KCTD15: variants seen among roughly 807,000 people sequenced by gnomAD.
The protein encoded by KCTD15 is BTB/POZ domain-containing protein KCTD15.
Under a neutral mutation model 27.2 loss-of-function variants are expected in KCTD15, and 11 were observed. The observed-to-expected ratio is 0.41, with a 90% CI of 0.25 to 0.67. The LOEUF (loss-of-function observed/expected upper bound fraction) is 0.67. Among genes scored for constraint, KCTD15 ranks in the 30% least tolerant of loss-of-function variants. KCTD15 has a pLI of 0.35. For missense variants in KCTD15, 350 were observed against 409.3 expected, an observed-to-expected ratio of 0.86 and a Z score of 1.25; for synonymous variants, 163 against 176.0, an observed-to-expected ratio of 0.93 and a Z score of 0.58.
At position 33,814,913 on chromosome 19, in the gene KCTD15, A is replaced by G. The variant is rs116535611; in HGVS notation, c.*1965A>G. ...AAGGCCGCAGAGCAGACGCCATCCC[A>G]CTGTACAATCGAATTTGCTGGACAA... On this transcript the variant is annotated 3_prime_UTR_variant, in exon 7 of 7. Coordinates refer to ENST00000683859, the MANE Select transcript of KCTD15 (RefSeq NM_001129994.2). The G allele has an allele frequency of 0.014, 2,077 of 152,292 alleles. 47 individuals carry two copies. The highest frequency in any genetic ancestry group is 0.042 in the African/African-American group (1,729 of 41,550). 9.4% of individuals were successfully genotyped at this position (152,292 alleles called of 1,614,324 possible). A position where few individuals can be genotyped will look rare whatever the true frequency, so the allele number is the denominator to read the frequency against.
At position 33,814,912 on chromosome 19, in the gene KCTD15, C is replaced by G. The variant is rs1481150113; in HGVS notation, c.*1964C>G. ...CAAGGCCGCAGAGCAGACGCCATCC[C>G]ACTGTACAATCGAATTTGCTGGACA... On this transcript the variant is annotated 3_prime_UTR_variant, in exon 7 of 7. Transcript: ENST00000683859. The G allele has an allele frequency of 2.6e-5, 4 of 152,242 alleles. No individual in the cohort carries two copies. Among genetic ancestry groups the G allele is most frequent in the African/African-American group, 9.6e-5 (4 of 41,464 alleles). 9.4% of individuals were successfully genotyped at this position (152,242 alleles called of 1,614,324 possible). A position where few individuals can be genotyped will look rare whatever the true frequency, so the allele number is the denominator to read the frequency against.
At chr19:33,805,472 AGAG>A (rs1397180736) in intron 4 of KCTD15, among the ~76,000 whole-genome samples, 14 of 152,270 alleles carry the variant, frequency 9.2e-5, no homozygotes, top group African/African-American at 3.4e-4. Flanking sequence ...TGGAGTGGAC[AGAG>A]GAGTGGGCTG....
At chr19:33,806,480 G>A (rs1453251038) in intron 4 of KCTD15, among the ~76,000 whole-genome samples, 2 of 152,170 alleles carry the variant, frequency 1.3e-5, no homozygotes, top group African/African-American at 4.8e-5. Flanking sequence ...CATTTTCTGG[G>A]TGGGTCTATC....
chr19:33,805,955 A>G (rs1378020478), intron 4 of KCTD15, among the ~76,000 whole-genome samples: 1 of 152,220 alleles, frequency 6.6e-6, no homozygotes, highest in African/African-American at 2.4e-5. Flanking sequence ...TGCATTTGTT[A>G]GAACCATTGC....
chr19:33,801,065 C>G (rs1975522944), intron 3 of KCTD15, 102 bp from the exon 4 acceptor site: 1 of 1,126,962 alleles, frequency 8.9e-7, no homozygotes, highest in African/African-American at 1.6e-5. Context: ...CTGATTAGAT[C>G]TGTGATCACA....
upstream of KCTD15, chr19:33,796,709 C>CGGCGGCGGCGGA (rs1173138965): frequency 7.1e-6 from 1 of 140,958 alleles, no homozygotes; most frequent in African/African-American, 2.7e-5. Flanking sequence ...GAGGAGGAGG[C>CGGCGGCGGCGGA]GGCGGCGGCG....
At chr19:33,812,328 C>G (rs1164530477) in intron 6 of KCTD15, 1 of 1,018,900 alleles carries the variant, frequency 9.8e-7, no homozygotes, top group Non-Finnish European at 1.2e-6. Flanking sequence ...CACCCCCAGG[C>G]TTCAAACCAC....
intron 4 of KCTD15, among the ~76,000 whole-genome samples, chr19:33,803,676 C>G (rs939362217): frequency 2.1e-4 from 32 of 152,038 alleles, no homozygotes; most frequent in Non-Finnish European, 4.4e-4. Flanking sequence ...ATTCCCTGGG[C>G]CGGCCCCCTT....
At chr19:33,805,861 G>A (rs1383301515) in intron 4 of KCTD15, among the ~76,000 whole-genome samples, 1 of 152,242 alleles carries the variant, frequency 6.6e-6, no homozygotes, top group African/African-American at 2.4e-5. Flanking sequence ...GGTGGTATCA[G>A]CCCTGGCTCT....
upstream of KCTD15, among the ~76,000 whole-genome samples, chr19:33,795,102 G>A (rs1975276295): frequency 6.6e-6 from 1 of 152,176 alleles, no homozygotes; most frequent in South Asian, 2.1e-4. Flanking sequence ...TAACTGATGG[G>A]GCCTGCGGCA....
Position 33,811,257 on chromosome 19 carries a change from T to G in KCTD15, c.398T>G (p.Leu133Arg), listed in dbSNP as rs1451462063. 2 of 1,393,438 alleles carry G rather than the reference T, an allele frequency of 1.4e-6. No homozygotes were observed. Among genetic ancestry groups the G allele is most frequent in the Admixed American group, 2.2e-5 (1 of 45,624 alleles). 86.3% of individuals were successfully genotyped at this position (1,393,438 alleles called of 1,614,324 possible). The change falls in exon 6 of 7, where the codon CTG (leucine) becomes CGG (arginine). Residue 133 changes from leucine to arginine, a missense_variant. By Grantham distance (102) the Leu-to-Arg change is moderately radical. Coordinates refer to ENST00000683859, the MANE Select transcript of KCTD15 (RefSeq NM_001129994.2). The part of the protein sequence containing the change: ...LLPDDFKDFS[L>R]LYEEARYYQL... ...TGCGCCTGTCCCCAGGACTTCAGTC[T>G]GCTGTACGAGGAGGCGCGCTACTAT... is the stretch of plus-strand genomic sequence containing the variant.
chr19:33,795,711 G>A (rs1308533388), upstream of KCTD15, among the ~76,000 whole-genome samples: 1 of 152,136 alleles, frequency 6.6e-6, no homozygotes, highest in Non-Finnish European at 1.5e-5. Context: ...AGGAGTGGGA[G>A]TGGGAGAAAA....
At chr19:33,808,235 T>C (rs1218097418) in intron 5 of KCTD15, among the ~76,000 whole-genome samples, 1 of 152,238 alleles carries the variant, frequency 6.6e-6, no homozygotes, top group Non-Finnish European at 1.5e-5. Flanking sequence ...CCAGTAGCCC[T>C]GGGGCCTTGT....
Position 33,813,950 on chromosome 19 carries a change from G to C in KCTD15, c.*1002G>C, listed in dbSNP as rs916168567. Reference sequence around the variant, plus strand: ...GGCAGACCTGGCGCTCTTGACCCCTGATTCCAGTGAGGACTGGCCCTGAGG... The same window carrying C: ...GGCAGACCTGGCGCTCTTGACCCCTCATTCCAGTGAGGACTGGCCCTGAGG... On this transcript the variant is annotated 3_prime_UTR_variant, in exon 7 of 7. Transcript: ENST00000683859. 3 of 153,292 alleles carry C rather than the reference G, an allele frequency of 2.0e-5. No homozygotes were observed. The highest frequency in any genetic ancestry group is 7.2e-5 in the African/African-American group (3 of 41,440). The allele number at this position is 153,292 out of a possible 1,614,324, so 9.5% of individuals were successfully genotyped here. A position where few individuals can be genotyped will look rare whatever the true frequency, so the allele number is the denominator to read the frequency against.
chr19:33,795,509 C>A (rs1599661482), upstream of KCTD15, among the ~76,000 whole-genome samples: 1 of 151,518 alleles, frequency 6.6e-6, no homozygotes, highest in Non-Finnish European at 1.5e-5. Context: ...GGGACCCAGG[C>A]GCCGTTCCGG....
Position 33,797,290 on chromosome 19 carries a change from G to GCGCC in KCTD15, c.-127+306_-127+307insCCGC, listed in dbSNP as rs1485747501. 2.2e-3 allele frequency: 634 copies of GCGCC among 286,716 alleles called. 2 individuals are homozygous for GCGCC. The highest frequency in any genetic ancestry group is 9.9e-3 in the Middle Eastern group (10 of 1,010). The allele number at this position is 286,716 out of a possible 1,614,324, so 17.8% of individuals were successfully genotyped here. ...TGTGTGTGTGTGTGTGTGTGCGCGC[G>GCGCC]CGCGCGCGCGCGCTTGTGGAGGTCC... is the stretch of plus-strand genomic sequence containing the variant. On this transcript the variant is annotated intron_variant, in intron 1 of 6. Transcript: ENST00000683859.
Position 33,812,840 on chromosome 19 carries a change from G to A in KCTD15, c.744G>A (p.Gly248=), listed in dbSNP as rs1975970751. The stretch of plus-strand genomic sequence containing the variant: ...GTTTCAGCGTGGCTGCGTCCTGTGG[G>A]GGCGGTGTGGACTCCTCCCAGTTCA... ...QRGFSVAASC[G]GGVDSSQFSE... The change falls in exon 7 of 7, where the codon GGG becomes GGA. Residue 248 remains glycine, a synonymous_variant. Coordinates refer to ENST00000683859, the MANE Select transcript of KCTD15 (RefSeq NM_001129994.2). 1 of 1,530,956 alleles carries A rather than the reference G, an allele frequency of 6.5e-7. No individual in the cohort carries two copies. Among genetic ancestry groups the A allele is most frequent in the Non-Finnish European group, 8.8e-7 (1 of 1,136,736 alleles). The allele number at this position is 1,530,956 out of a possible 1,614,324, so 94.8% of individuals were successfully genotyped here. A position where few individuals can be genotyped will look rare whatever the true frequency, so the allele number is the denominator to read the frequency against.
At chr19:33,794,463 G>T (rs28637706), upstream of KCTD15, among the ~76,000 whole-genome samples, 54,581 of 152,024 alleles carry the variant, frequency 0.36, 9,863 homozygotes, top group Non-Finnish European at 0.38. Flanking sequence ...TATTCACCCA[G>T]ATTGAACACG....
At chr19:33,801,372 A>G (rs769368592) in intron 4 of KCTD15, 30 bp downstream of exon 4, 45 of 1,577,378 alleles carry the variant, frequency 2.9e-5, no homozygotes, top group Non-Finnish European at 3.8e-5. Flanking sequence ...AACATCAGGC[A>G]TGTGTGGGTC....
Sources: allele counts gnomAD v4.1 joint callset (sites outside exome capture counted in the v4.1 genomes callset), GRCh38; gene constraint gnomAD v4.1.1; transcripts MANE v1.5; gene names NCBI Gene and HGNC (gene_info 2026-07-23, HGNC 2026-07-21).